Variants in ZFHX3 observed in about 807,000 individuals in gnomAD.
The protein encoded by ZFHX3 is zinc finger homeobox 3.
ZFHX3 carries 42 observed loss-of-function variants against 279.1 expected under a neutral mutation model. The observed-to-expected ratio is 0.15, with a 90% CI of 0.12 to 0.19. ZFHX3 has a LOEUF of 0.19. Among genes scored for constraint, ZFHX3 ranks in the 10% least tolerant of loss-of-function variants. ZFHX3 has a pLI of 1.00. For missense variants in ZFHX3, 4,981 were observed against 4,754.0 expected, an observed-to-expected ratio of 1.05 and a Z score of -1.40; for synonymous variants, 2,293 against 1,957.8, an observed-to-expected ratio of 1.17 and a Z score of -4.52.
intron 1 of ZFHX3, among the ~76,000 whole-genome samples, chr16:73,728,015 G>GCCCCTCCCC (rs2053534576): frequency 2.7e-5 from 2 of 75,426 alleles, no homozygotes; most frequent in Admixed American, 1.8e-4. Context: ...GCCGAATTGT[G>GCCCCTCCCC]CCCCCCCCCC....
At chr16:73,248,103 T>C (rs1259553254) in intron 5 of ZFHX3, among the ~76,000 whole-genome samples, 2 of 151,946 alleles carry the variant, frequency 1.3e-5, no homozygotes, top group Non-Finnish European at 2.9e-5. Context: ...TATATGTGCC[T>C]GTATGTGGAG....
intron 3 of ZFHX3, among the ~76,000 whole-genome samples, chr16:73,360,958 A>C (rs578050284): frequency 6.6e-6 from 1 of 152,316 alleles, no homozygotes; most frequent in East Asian, 1.9e-4. Flanking sequence ...GATGATGGAG[A>C]CAAGAAAAGG....
intron 2 of ZFHX3, among the ~76,000 whole-genome samples, chr16:73,469,784 A>C (rs1490637425): frequency 6.6e-6 from 1 of 151,802 alleles, no homozygotes; most frequent in Non-Finnish European, 1.5e-5. Context: ...CTCCCAGCTA[A>C]TTTTTGTATT....
chr16:73,021,190 A>C (rs140224065), intron 1 of ZFHX3, among the ~76,000 whole-genome samples: 2 of 152,350 alleles, frequency 1.3e-5, no homozygotes, highest in East Asian at 3.9e-4. Flanking sequence ...ATAAAAGGAA[A>C]GACTGAAGGG....
intron 5 of ZFHX3, among the ~76,000 whole-genome samples, chr16:73,187,435 T>G (rs1967938772): frequency 6.6e-6 from 1 of 151,908 alleles, no homozygotes; most frequent in Non-Finnish European, 1.5e-5. Flanking sequence ...CTGACCCCCC[T>G]GCCCTCTCCT....
chr16:73,422,377 T>G (rs564252655), intron 3 of ZFHX3, among the ~76,000 whole-genome samples: 2 of 152,288 alleles, frequency 1.3e-5, no homozygotes, highest in Admixed American at 6.5e-5. Context: ...CCACCACTCA[T>G]GCTAAACTTA....
chr16:72,811,794 C>A lies in ZFHX3; in HGVS notation c.3664-17G>T. Reference sequence around the variant, plus strand: ...CTGGTACATCTGTGGGGAACACACCCACTGCTTTGAGCAACTGTGTGTGCC... The same window carrying A: ...CTGGTACATCTGTGGGGAACACACCAACTGCTTTGAGCAACTGTGTGTGCC... On this transcript the variant is annotated splice_polypyrimidine_tract_variant and intron_variant, in intron 6 of 9. Transcript: ENST00000268489. The A allele has an allele frequency of 1.2e-6, 2 of 1,609,280 alleles. No homozygotes were observed. The highest frequency in any genetic ancestry group is 1.1e-5 in the South Asian group (1 of 90,586).
chr16:73,796,718 C>A (rs946600121), intron 1 of ZFHX3, among the ~76,000 whole-genome samples: 1 of 152,076 alleles, frequency 6.6e-6, no homozygotes, highest in African/African-American at 2.4e-5. Context: ...CCTTAATGGT[C>A]CAGATAATGC....
In ZFHX3 at chr16:73,204,329, C is replaced by T. The variant is rs1202410879; in HGVS notation, c.-1104+52718G>A. On this transcript the variant is annotated intron_variant, in intron 5 of 17. Coordinates refer to the ZFHX3 transcript ENST00000641206. The stretch of plus-strand genomic sequence containing the variant: ...AATATATAATGAAATAATTATACAA[C>T]TCACCAAAATGTAGGTTCAATGGGA... 2.6e-5 allele frequency among the ~76,000 whole-genome samples: 4 copies of T among 151,614 alleles called. No homozygotes were observed. The East Asian group carries it at 7.7e-4, about 29-fold the overall frequency.
chr16:73,642,693 T>C (rs1415559251), intron 2 of ZFHX3, among the ~76,000 whole-genome samples: 2 of 152,170 alleles, frequency 1.3e-5, no homozygotes, highest in Non-Finnish European at 2.9e-5. Context: ...GTAGTACATA[T>C]GTGCACCCTT....
At chr16:73,441,279 T>C (rs2018088232) in intron 3 of ZFHX3, among the ~76,000 whole-genome samples, 1 of 152,188 alleles carries the variant, frequency 6.6e-6, no homozygotes, top group Non-Finnish European at 1.5e-5. Flanking sequence ...ATAAAGGGTA[T>C]AATAATTACA....
At chr16:72,840,576 G>C (rs74772425) in intron 4 of ZFHX3, among the ~76,000 whole-genome samples, 2,620 of 152,232 alleles carry the variant, frequency 0.017, 65 homozygotes, top group African/African-American at 0.056. Context: ...ACACAACAGA[G>C]AAAAATAAAA....
At chr16:73,753,987 T>C (rs2053783711) in intron 1 of ZFHX3, among the ~76,000 whole-genome samples, 1 of 11,422 alleles carries the variant, frequency 8.8e-5, no homozygotes, top group African/African-American at 8.3e-4. Context: ...TAAGAATCAA[T>C]GTGTGTGTGT....
intron 1 of ZFHX3, among the ~76,000 whole-genome samples, chr16:73,024,737 G>C (rs192723872): frequency 1.3e-4 from 20 of 152,302 alleles, no homozygotes; most frequent in Admixed American, 2.6e-4. Context: ...GGGTCTGAAA[G>C]TATCTCAACA....
intron 3 of ZFHX3, among the ~76,000 whole-genome samples, chr16:72,928,772 G>A (rs767346602): frequency 3.0e-4 from 45 of 152,176 alleles, no homozygotes; most frequent in Non-Finnish European, 5.7e-4. Context: ...ACCAACCTGG[G>A]CAACACAGCA....
intron 2 of ZFHX3, among the ~76,000 whole-genome samples, chr16:73,659,703 C>T (rs1017951119): frequency 6.6e-5 from 10 of 151,996 alleles, no homozygotes; most frequent in African/African-American, 2.2e-4. Context: ...AGTTCTGTGC[C>T]CCAATGGGAG....
At chr16:73,590,008 T>A (rs2051977727) in intron 2 of ZFHX3, among the ~76,000 whole-genome samples, 1 of 152,132 alleles carries the variant, frequency 6.6e-6, no homozygotes, top group Non-Finnish European at 1.5e-5. Context: ...TCAGTAATTG[T>A]ATTGGTGGTG....
chr16:73,623,240 G>A (rs188697017), intron 2 of ZFHX3, among the ~76,000 whole-genome samples: 13 of 152,206 alleles, frequency 8.5e-5, no homozygotes, highest in Non-Finnish European at 1.9e-4. Flanking sequence ...GTTTCACCAT[G>A]TTAGCAAGGA....
At chr16:72,850,889 A>C (rs1301633272) in intron 4 of ZFHX3, among the ~76,000 whole-genome samples, 3 of 151,998 alleles carry the variant, frequency 2.0e-5, no homozygotes, top group African/African-American at 7.2e-5. Context: ...CATTTGACTC[A>C]AGGGGAGGGG....
Sources: gnomAD v4.1 joint callset for allele counts (sites outside exome capture counted in the v4.1 genomes callset) on GRCh38, gnomAD v4.1.1 for gene constraint, MANE v1.5 for transcripts, NCBI Gene and HGNC (gene_info 2026-07-23, HGNC 2026-07-21) for gene names.